Variants in ANO3 observed in about 807,000 individuals in gnomAD.
The protein encoded by ANO3 is anoctamin-3.
Under a neutral mutation model 144.8 loss-of-function variants are expected in ANO3, and 99 were observed. That is an observed-to-expected ratio of 0.68 (90% confidence interval 0.58 to 0.81). The LOEUF (loss-of-function observed/expected upper bound fraction) is 0.81, where lower values mean the gene tolerates loss of function less well. Ranked by LOEUF, ANO3 falls within the 30% of genes least tolerant of loss-of-function variation. ANO3 has a pLI of 0.00. For synonymous variants in ANO3, 414 were observed against 392.6 expected, an observed-to-expected ratio of 1.05 and a Z score of -0.64; for missense variants, 905 against 1,202.2, an observed-to-expected ratio of 0.75 and a Z score of 3.66.
intron 1 of ANO3, among the ~76,000 whole-genome samples, chr11:26,196,751 T>C (rs1039825644): frequency 1.3e-5 from 2 of 152,176 alleles, no homozygotes; most frequent in South Asian, 2.1e-4. Context: ...ATAAAATACA[T>C]ACACAGTCAC....
At chr11:26,521,796 A>G (rs1862087693) in intron 6 of ANO3, among the ~76,000 whole-genome samples, 3 of 152,180 alleles carry the variant, frequency 2.0e-5, no homozygotes, top group Non-Finnish European at 4.4e-5. Flanking sequence ...GGCTTCTCAG[A>G]TGGAGTACCC....
chr11:26,626,950 C>G (rs180953577), intron 18 of ANO3, among the ~76,000 whole-genome samples: 1 of 152,182 alleles, frequency 6.6e-6, no homozygotes, highest in East Asian at 1.9e-4. Flanking sequence ...TCATCCAGTT[C>G]CAGCTTCACA....
chr11:26,516,598 T>A (rs572331491), intron 5 of ANO3, among the ~76,000 whole-genome samples: 1 of 152,054 alleles, frequency 6.6e-6, no homozygotes, highest in East Asian at 1.9e-4. Flanking sequence ...TGTAAGAAAA[T>A]GCACTAATGC....
chr11:26,486,081 C>G (rs1229491557), intron 4 of ANO3, among the ~76,000 whole-genome samples: 2 of 151,790 alleles, frequency 1.3e-5, no homozygotes, highest in Non-Finnish European at 2.9e-5. Flanking sequence ...AAAAAAATCA[C>G]AGCCAGGCGC....
chr11:26,208,399 G>A (rs1335821095), intron 1 of ANO3: 1 of 152,420 alleles, frequency 6.6e-6, no homozygotes, highest in Non-Finnish European at 1.5e-5. Context: ...TGTAGTCCCA[G>A]CTACTCCAGA....
chr11:26,460,419 AG>A (rs11288749), intron 3 of ANO3, among the ~76,000 whole-genome samples: 87,204 of 113,986 alleles, frequency 0.77, 32,287 homozygotes, highest in Admixed American at 0.85. Context: ...AGAAGAAGAA[AG>A]GGGGGGGGGC....
intron 1 of ANO3, among the ~76,000 whole-genome samples, chr11:26,332,777 T>C (rs1855089854): frequency 6.6e-6 from 1 of 152,124 alleles, no homozygotes; most frequent in African/African-American, 2.4e-5. Context: ...TTGGGGGAGT[T>C]CCAGAGTTGG....
intron 3 of ANO3, among the ~76,000 whole-genome samples, chr11:26,461,011 G>A (rs538335202): frequency 4.6e-5 from 7 of 152,030 alleles, no homozygotes; most frequent in Non-Finnish European, 8.8e-5. Flanking sequence ...GCCATTTGCC[G>A]ATTGCTGTTT....
At chr11:26,653,136 G>A (rs954780224) in intron 24 of ANO3, among the ~76,000 whole-genome samples, 16 of 151,990 alleles carry the variant, frequency 1.1e-4, no homozygotes, top group African/African-American at 3.1e-4. Flanking sequence ...ATCGATCTAC[G>A]CTCATACCTG....
chr11:26,396,758 C>G (rs557153438), intron 1 of ANO3, among the ~76,000 whole-genome samples: 4 of 151,538 alleles, frequency 2.6e-5, no homozygotes, highest in East Asian at 2.0e-4. Flanking sequence ...CACATGGACA[C>G]AGGGAGGGGA....
intron 1 of ANO3, among the ~76,000 whole-genome samples, chr11:26,379,761 C>A (rs563571557): frequency 6.6e-6 from 1 of 152,184 alleles, no homozygotes; most frequent in African/African-American, 2.4e-5. Context: ...CCACTGCACT[C>A]CAGCCTGTGT....
At chr11:26,575,526 T>A (rs1850963216) in intron 14 of ANO3, among the ~76,000 whole-genome samples, 1 of 152,086 alleles carries the variant, frequency 6.6e-6, no homozygotes, top group African/African-American at 2.4e-5. Flanking sequence ...GGTATATTTT[T>A]AAAGAGACAC....
intron 1 of ANO3, among the ~76,000 whole-genome samples, chr11:26,245,493 T>C (rs1215687483): frequency 2.0e-5 from 3 of 152,212 alleles, no homozygotes; most frequent in East Asian, 1.9e-4. Context: ...TTATGTAAGG[T>C]ATAGCTTTGT....
intron 1 of ANO3, among the ~76,000 whole-genome samples, chr11:26,244,202 C>T (rs896489802): frequency 6.6e-6 from 1 of 151,936 alleles, no homozygotes; most frequent in African/African-American, 2.4e-5. Context: ...CTACTATCTT[C>T]CAAACATGTA....
At chr11:26,240,463 G>T (rs373415259) in intron 1 of ANO3, among the ~76,000 whole-genome samples, 1 of 152,100 alleles carries the variant, frequency 6.6e-6, no homozygotes, top group Non-Finnish European at 1.5e-5. Flanking sequence ...TTTCAAAGAC[G>T]CTGAGTATGT....
At chr11:26,263,558 A>C (rs1853242313) in intron 1 of ANO3, among the ~76,000 whole-genome samples, 1 of 152,204 alleles carries the variant, frequency 6.6e-6, no homozygotes, top group Non-Finnish European at 1.5e-5. Context: ...GCTTTTCCAC[A>C]GCCTCAGTAT....
At chr11:26,522,270 C>G (rs1862113724) in intron 6 of ANO3, among the ~76,000 whole-genome samples, 1 of 151,982 alleles carries the variant, frequency 6.6e-6, no homozygotes, top group Non-Finnish European at 1.5e-5. Flanking sequence ...AAACTTAGAT[C>G]ACTTTTTATG....
intron 14 of ANO3, among the ~76,000 whole-genome samples, chr11:26,562,802 T>C (rs185168720): frequency 6.6e-6 from 1 of 152,032 alleles, no homozygotes; most frequent in East Asian, 1.9e-4. Context: ...CTAACAAAAC[T>C]GGTCATTTTT....
chr11:26,502,522 C>T (rs952756906), intron 4 of ANO3, among the ~76,000 whole-genome samples: 3 of 152,178 alleles, frequency 2.0e-5, no homozygotes, highest in African/African-American at 7.2e-5. Context: ...AACTGGCAAT[C>T]ACCTACTGAT....
Sources: allele counts gnomAD v4.1 joint callset (sites outside exome capture counted in the v4.1 genomes callset), GRCh38; gene constraint gnomAD v4.1.1; transcripts MANE v1.5; gene names NCBI Gene and HGNC (gene_info 2026-07-23, HGNC 2026-07-21).